TBX5: variants seen among roughly 807,000 people sequenced by gnomAD.
TBX5 encodes T-box transcription factor 5.
Under a neutral mutation model 51.1 loss-of-function variants are expected in TBX5, and 8 were observed. The observed-to-expected ratio is 0.16, with a 90% CI of 0.09 to 0.28. The LOEUF (loss-of-function observed/expected upper bound fraction) is 0.28. TBX5 is among the 10% of genes least tolerant of loss of function. The pLI, the probability that TBX5 is intolerant of heterozygous loss-of-function variation, is 1.00. For missense variants in TBX5, 589 were observed against 671.7 expected, an observed-to-expected ratio of 0.88 and a Z score of 1.36; for synonymous variants, 302 against 266.4, an observed-to-expected ratio of 1.13 and a Z score of -1.30.
At chr12:114,398,463 A>G in intron 5 of TBX5, 110 bp downstream of exon 5, 1 of 1,468,346 alleles carries the variant, frequency 6.8e-7, no homozygotes, top group Non-Finnish European at 9.3e-7. Flanking sequence ...TGGAGGAAAG[A>G]AAAGGAGAAA....
upstream of TBX5, chr12:114,408,399 A>T (rs1352967663): frequency 6.0e-6 from 1 of 167,790 alleles, no homozygotes; most frequent in African/African-American, 2.4e-5. Flanking sequence ...ATTGGAAGGA[A>T]ATCGAGTTGT....
upstream of TBX5, among the ~76,000 whole-genome samples, chr12:114,406,687 G>T (rs921790332): frequency 6.6e-6 from 1 of 152,068 alleles, no homozygotes; most frequent in East Asian, 1.9e-4. Flanking sequence ...AAATCGCTGC[G>T]GGCCCTCACC....
chr12:114,389,753 C>CAAAA lies in TBX5; in HGVS notation c.664-4190_664-4187dup, dbSNP rs55649814. ...TGGGCGACAGAGCGAGACTCCGTCT[C>CAAAA]AAAAAAAAAAAAAAAAAAAAAAAAA... On this transcript the variant is annotated intron_variant, in intron 6 of 8. Coordinates refer to ENST00000405440, the MANE Select transcript of TBX5 (RefSeq NM_181486.4). 9.2e-4 allele frequency among the ~76,000 whole-genome samples: 37 copies of CAAAA among 40,272 alleles called. 5 individuals are homozygous for CAAAA. The highest frequency in any genetic ancestry group is 2.8e-3 in the African/African-American group (30 of 10,892). 26.4% of individuals were successfully genotyped at this position (40,272 alleles called of 152,430 possible).
Position 114,355,375 on chromosome 12 carries a change from A to C in TBX5, c.*157T>G, listed in dbSNP as rs1261224149. The C allele has an allele frequency of 2.2e-6, 2 of 906,600 alleles. No individual in the cohort carries two copies. The highest frequency in any genetic ancestry group is 3.3e-5 in the African/African-American group (2 of 60,824). 56.2% of individuals were successfully genotyped at this position (906,600 alleles called of 1,614,324 possible). A position where few individuals can be genotyped will look rare whatever the true frequency, so the allele number is the denominator to read the frequency against. ...ATTGTGGTTTCAAGCTACTGATTAG[A>C]TCAGCATCCAGCGACCTTGAGTGCA... On this transcript the variant is annotated 3_prime_UTR_variant, in exon 9 of 9. Coordinates refer to ENST00000405440, the MANE Select transcript of TBX5 (RefSeq NM_181486.4).
chr12:114,373,813 A>G lies in TBX5; in HGVS notation c.756-7422T>C, dbSNP rs1870051995. 2.6e-5 allele frequency among the ~76,000 whole-genome samples: 4 copies of G among 152,348 alleles called. No individual in the cohort carries two copies. The South Asian group carries it at 8.3e-4, about 32-fold the overall frequency. On this transcript the variant is annotated intron_variant, in intron 7 of 8. Coordinates refer to ENST00000405440, the MANE Select transcript of TBX5 (RefSeq NM_181486.4). The stretch of plus-strand genomic sequence containing the variant: ...TAATTCATCAAATAGTCTAGTACTG[A>G]ACTGAACAGCCAATATTTTAGTCCA...
chr12:114,406,283 C>T (rs1436652221), upstream of TBX5, among the ~76,000 whole-genome samples: 1 of 147,894 alleles, frequency 6.8e-6, no homozygotes, highest in Non-Finnish European at 1.5e-5. Flanking sequence ...ATACGACTCT[C>T]AACACAGACC....
At chr12:114,389,522 AGG>A (rs1871030169) in intron 6 of TBX5, among the ~76,000 whole-genome samples, 1 of 150,774 alleles carries the variant, frequency 6.6e-6, no homozygotes, top group Admixed American at 6.6e-5. Context: ...TGGGAGGCAG[AGG>A]CGGGCGGATC....
intron 8 of TBX5, 30 bp from the exon 9 acceptor site, chr12:114,356,136 C>A (rs181923192): frequency 6.9e-6 from 11 of 1,599,606 alleles, no homozygotes; most frequent in Middle Eastern, 1.7e-4. Flanking sequence ...AGCAGTGAGG[C>A]CAGGAGCAGG....
intron 7 of TBX5, among the ~76,000 whole-genome samples, chr12:114,381,706 G>T (rs1299164742): frequency 6.6e-6 from 1 of 152,070 alleles, no homozygotes; most frequent in African/African-American, 2.4e-5. Flanking sequence ...GATAAATGTA[G>T]AACAAGAATT....
At chr12:114,382,393 G>A (rs1870551239) in intron 7 of TBX5, among the ~76,000 whole-genome samples, 1 of 152,240 alleles carries the variant, frequency 6.6e-6, no homozygotes, top group South Asian at 2.1e-4. Context: ...GCCAGGGGCT[G>A]TGGGTAATGT....
At chr12:114,359,926 T>G (rs1238229860) in intron 8 of TBX5, among the ~76,000 whole-genome samples, 1 of 152,206 alleles carries the variant, frequency 6.6e-6, no homozygotes, top group Non-Finnish European at 1.5e-5. Context: ...TCCATTCTCT[T>G]TTCCCTCTTT....
chr12:114,375,277 G>A (rs902162675), intron 7 of TBX5, among the ~76,000 whole-genome samples: 1 of 152,188 alleles, frequency 6.6e-6, no homozygotes, highest in African/African-American at 2.4e-5. Flanking sequence ...CAGAGCCACT[G>A]GAGAAAACTG....
chr12:114,370,177 G>A (rs1428292958), intron 7 of TBX5, among the ~76,000 whole-genome samples: 1 of 150,880 alleles, frequency 6.6e-6, no homozygotes, highest in Non-Finnish European at 1.5e-5. Context: ...GTTGCAATGA[G>A]CCAAGATAGC....
At chr12:114,382,300 C>T (rs775179341) in intron 7 of TBX5, among the ~76,000 whole-genome samples, 45 of 151,764 alleles carry the variant, frequency 3.0e-4, no homozygotes, top group Non-Finnish European at 5.9e-4. Flanking sequence ...GGCAACAGAG[C>T]GAGGCCCTGT....
At chr12:114,370,381 C>G (rs1869826232) in intron 7 of TBX5, among the ~76,000 whole-genome samples, 2 of 151,774 alleles carry the variant, frequency 1.3e-5, no homozygotes, top group African/African-American at 4.9e-5. Context: ...ACAGAGAGGT[C>G]AAGTGACTTG....
At chr12:114,384,327 G>A (rs1040080554) in intron 7 of TBX5, among the ~76,000 whole-genome samples, 1 of 151,666 alleles carries the variant, frequency 6.6e-6, no homozygotes, top group Non-Finnish European at 1.5e-5. Flanking sequence ...CCCAACTGCA[G>A]TGCAGTAGTG....
At chr12:114,368,824 T>A (rs887840877) in intron 7 of TBX5, among the ~76,000 whole-genome samples, 9 of 152,102 alleles carry the variant, frequency 5.9e-5, no homozygotes, top group Admixed American at 5.9e-4. Flanking sequence ...TCCATGAGTC[T>A]ACAGACACCC....
chr12:114,377,421 T>C (rs1870253398), intron 7 of TBX5, among the ~76,000 whole-genome samples: 1 of 152,170 alleles, frequency 6.6e-6, no homozygotes, highest in South Asian at 2.1e-4. Flanking sequence ...GACAGCATTT[T>C]GCTCTGTTGC....
At chr12:114,383,249 G>A (rs562250500) in intron 7 of TBX5, among the ~76,000 whole-genome samples, 2 of 152,286 alleles carry the variant, frequency 1.3e-5, no homozygotes, top group South Asian at 4.2e-4. Context: ...GCTTCTTGAA[G>A]GAAGGAAAAG....
Sources: allele counts gnomAD v4.1 joint callset (sites outside exome capture counted in the v4.1 genomes callset), GRCh38; gene constraint gnomAD v4.1.1; transcripts MANE v1.5; gene names NCBI Gene and HGNC (gene_info 2026-07-23, HGNC 2026-07-21).